The following NUP88 variants were observed in gnomAD, a reference collection of about 807,000 sequenced individuals.
The protein encoded by NUP88 is nuclear pore complex protein Nup88.
Under a neutral mutation model 93.9 loss-of-function variants are expected in NUP88, and 57 were observed. That is an observed-to-expected ratio of 0.61 (90% CI 0.49 to 0.76). The LOEUF (loss-of-function observed/expected upper bound fraction) is 0.76. Ranked by LOEUF, NUP88 falls within the 30% of genes least tolerant of loss-of-function variation. NUP88 has a pLI of 0.00. For missense variants in NUP88, 911 were observed against 901.0 expected (o/e 1.01, Z -0.14); for synonymous variants, 346 against 336.8 (o/e 1.03, Z -0.30).
At chr17:5,393,794 T>G (rs1250190860) in intron 9 of NUP88, among the ~76,000 whole-genome samples, 1 of 152,216 alleles carries the variant, frequency 6.6e-6, no homozygotes, top group Non-Finnish European at 1.5e-5. Flanking sequence ...CCACCAAGCG[T>G]TTTCCCTGTG....
chr17:5,386,895 CTG>C, intron 15 of NUP88, 69 bp from the exon 16 acceptor site: 3 of 1,586,658 alleles, frequency 1.9e-6, no homozygotes, highest in Non-Finnish European at 2.6e-6. Flanking sequence ...CTATTTGAAT[CTG>C]TTCTTTTTAC....
At chr17:5,417,730 T>G (rs577912253) in intron 1 of NUP88, among the ~76,000 whole-genome samples, 14 of 151,764 alleles carry the variant, frequency 9.2e-5, no homozygotes, top group African/African-American at 3.4e-4. Flanking sequence ...TCCCAACTAC[T>G]CAAGAGGCTG....
In NUP88 at chr17:5,404,106, A is replaced by C. The variant is rs751009640; in HGVS notation, c.1185T>G (p.Leu395=). ...ATTTATTGAAGAGCTTACCTCTATG[A>C]AGTTTGACTGGACAAGAAAAGTCAG... The part of the protein sequence containing the change: ...FDSDFSCPVK[L]HRDPKCPSRY... The change falls in exon 7 of 17, where the codon CTT becomes CTG. Residue 395 remains leucine (L), a synonymous_variant. Coordinates refer to ENST00000573584, the MANE Select transcript of NUP88 (RefSeq NM_002532.6). 6.2e-7 allele frequency: 1 copy of C among 1,613,980 alleles called. No individual in the cohort carries two copies. Among genetic ancestry groups the C allele is most frequent in the Non-Finnish European group, 8.5e-7 (1 of 1,179,926 alleles).
intron 8 of NUP88, among the ~76,000 whole-genome samples, chr17:5,397,345 A>C (rs1427084356): frequency 8.1e-6 from 1 of 123,162 alleles, no homozygotes; most frequent in African/African-American, 2.9e-5. Flanking sequence ...CTGTCTCTTA[A>C]AAGAATTTTT....
intron 10 of NUP88, 30 bp from the exon 11 acceptor site, chr17:5,388,990 AC>A: frequency 6.5e-7 from 1 of 1,545,826 alleles, no homozygotes. Flanking sequence ...ATTGAATTCT[AC>A]CATGGAGTGA....
intron 3 of NUP88, among the ~76,000 whole-genome samples, chr17:5,412,361 C>G (rs763680089): frequency 6.6e-6 from 1 of 152,120 alleles, no homozygotes; most frequent in African/African-American, 2.4e-5. Flanking sequence ...GTGGAGGTAC[C>G]TGTAATAAGG....
intron 9 of NUP88, among the ~76,000 whole-genome samples, chr17:5,394,603 C>T (rs190929844): frequency 1.2e-3 from 188 of 151,754 alleles, no homozygotes; most frequent in East Asian, 0.011. Flanking sequence ...GAAGAAGTGA[C>T]ATTAAGATCA....
At chr17:5,414,249 G>T in intron 2 of NUP88, 115 bp from the exon 3 acceptor site, 1 of 851,140 alleles carries the variant, frequency 1.2e-6, no homozygotes, top group Non-Finnish European at 1.8e-6. Context: ...AGGCTGGAGT[G>T]TAACGGCACA....
intron 11 of NUP88, chr17:5,388,565 G>A (rs772693730): frequency 2.6e-5 from 10 of 384,382 alleles, no homozygotes; most frequent in Non-Finnish European, 4.7e-5. Context: ...TGAGATTACA[G>A]GTGTGAGCCA....
chr17:5,397,398 T>A (rs374688665), intron 8 of NUP88, among the ~76,000 whole-genome samples: 1 of 152,038 alleles, frequency 6.6e-6, no homozygotes, highest in Non-Finnish European at 1.5e-5. Context: ...CCGGGCAGAC[T>A]TAATGTTACC....
intron 9 of NUP88, among the ~76,000 whole-genome samples, chr17:5,394,663 G>A (rs967755630): frequency 6.6e-6 from 1 of 152,078 alleles, no homozygotes; most frequent in African/African-American, 2.4e-5. Flanking sequence ...TGGGGCTGGG[G>A]CTGGGGCTGG....
chr17:5,418,880 T>C (rs971167234), intron 1 of NUP88, among the ~76,000 whole-genome samples: 2 of 152,200 alleles, frequency 1.3e-5, no homozygotes, highest in Admixed American at 6.5e-5. Flanking sequence ...TATGGCTTTA[T>C]TTTCTAAAGC....
chr17:5,419,597 A>C lies in NUP88; in HGVS notation c.54T>G (p.Leu18=). 6.2e-7 allele frequency: 1 copy of C among 1,604,568 alleles called. No individual in the cohort carries two copies. Among genetic ancestry groups the C allele is most frequent in the East Asian group, 2.2e-5 (1 of 44,644 alleles). The change falls in exon 1 of 17, where the codon CTT becomes CTG. Residue 18 remains leucine (L), a synonymous_variant. Coordinates refer to ENST00000573584, the MANE Select transcript of NUP88 (RefSeq NM_002532.6). ...GCCGCAAGAACACGACGTGGTTAGGAAGCCAGGTCTGCCACAGCTCGCCGT... is the reference window on the plus strand; with the variant it reads ...GCCGCAAGAACACGACGTGGTTAGGCAGCCAGGTCTGCCACAGCTCGCCGT... ...VGDGELWQTW[L]PNHVVFLRLR... is the part of the protein sequence containing the mutation.
At position 5,404,119 on chromosome 17, in the gene NUP88, C is replaced by G. The variant is rs374715686; in HGVS notation, c.1172G>C (p.Cys391Ser). The change falls in exon 7 of 17, where the codon TGT becomes TCT. Residue 391 changes from cysteine to serine, a missense_variant. Coordinates refer to ENST00000573584, the MANE Select transcript of NUP88 (RefSeq NM_002532.6). The part of the protein sequence containing the change: ...EDDPFDSDFS[C>S]PVKLHRDPKC... ...CTTACCTCTATGAAGTTTGACTGGA[C>G]AAGAAAAGTCAGAATCAAAAGGGTC... 1.7e-4 allele frequency: 278 copies of G among 1,613,820 alleles called. No homozygotes were observed. The highest frequency in any genetic ancestry group is 2.2e-4 in the Non-Finnish European group (255 of 1,179,978).
chr17:5,393,569 T>G (rs1319979514), intron 9 of NUP88, among the ~76,000 whole-genome samples: 2 of 151,860 alleles, frequency 1.3e-5, no homozygotes, highest in Non-Finnish European at 2.9e-5. Context: ...CCCGAGTAGC[T>G]GGGATTGCAG....
At chr17:5,408,539 T>C (rs1343701134) in intron 5 of NUP88, among the ~76,000 whole-genome samples, 194 bp downstream of exon 5, 2 of 152,230 alleles carry the variant, frequency 1.3e-5, no homozygotes, top group Non-Finnish European at 2.9e-5. Context: ...TCTATAGAAC[T>C]TACCCAAATA....
Position 5,414,029 on chromosome 17 carries a change from T to C in NUP88, c.573A>G (p.Leu191=). Residue 191 remains leucine (L), a synonymous_variant, in exon 3 of 17, where the codon TTA becomes TTG. Coordinates refer to ENST00000573584, the MANE Select transcript of NUP88 (RefSeq NM_002532.6). ...TTTACCTGATTACGTTGTCTGATGT[T>C]AACAGCACTACGTGGGGATCCAGGA... ...SEILDPHVVL[L]TSDNVIRIYS... is the part of the protein sequence containing the mutation. The C allele has an allele frequency of 6.2e-7, 1 of 1,613,872 alleles. No individual in the cohort carries two copies. The highest frequency in any genetic ancestry group is 8.5e-7 in the Non-Finnish European group (1 of 1,179,796).
At chr17:5,387,280 G>T (rs928015080) in intron 14 of NUP88, 106 bp downstream of exon 14, 54 of 1,240,086 alleles carry the variant, frequency 4.4e-5, no homozygotes, top group Non-Finnish European at 4.7e-6. Flanking sequence ...AGAGGCAGGG[G>T]GATCAGTTCA....
chr17:5,408,354 T>C (rs568019404), intron 5 of NUP88, among the ~76,000 whole-genome samples: 27 of 152,314 alleles, frequency 1.8e-4, no homozygotes, highest in African/African-American at 6.3e-4. Flanking sequence ...TACTGTGGTA[T>C]GGATAGTATT....
Sources: allele counts gnomAD v4.1 joint callset (sites outside exome capture counted in the v4.1 genomes callset), GRCh38; gene constraint gnomAD v4.1.1; transcripts MANE v1.5; gene names NCBI Gene and HGNC (gene_info 2026-07-23, HGNC 2026-07-21).